Variants in PIK3R1 observed in about 807,000 individuals in gnomAD.
The protein encoded by PIK3R1 is phosphatidylinositol 3-kinase regulatory subunit alpha.
Under a neutral mutation model 98.0 loss-of-function variants are expected in PIK3R1, and 29 were observed. The observed-to-expected ratio is 0.30, with a 90% CI of 0.22 to 0.40. The LOEUF (loss-of-function observed/expected upper bound fraction) is 0.40, where lower values mean the gene tolerates loss of function less well. PIK3R1 is among the 10% of genes least tolerant of loss of function. The pLI is 1.00. For synonymous variants in PIK3R1, 282 were observed against 311.8 expected, an observed-to-expected ratio of 0.90 and a Z score of 1.01; for missense variants, 596 against 872.7, an observed-to-expected ratio of 0.68 and a Z score of 3.99.
intron 10 of PIK3R1, 37 bp from the exon 11 acceptor site, chr5:68,293,672 A>T (rs2112261488): frequency 1.5e-6 from 2 of 1,328,574 alleles, no homozygotes; most frequent in Non-Finnish European, 2.1e-6. Flanking sequence ...TATTTGATTA[A>T]ATACCTTATC....
chr5:68,225,399 A>T (rs1485777497), intron 1 of PIK3R1, among the ~76,000 whole-genome samples: 1 of 152,174 alleles, frequency 6.6e-6, no homozygotes, highest in Non-Finnish European at 1.5e-5. Context: ...AGGGGTGCCC[A>T]GAATCACCGT....
Position 68,295,685 on chromosome 5 carries a change from T to G in PIK3R1, c.1814+197T>G, listed in dbSNP as rs549613399. 1.3e-5 allele frequency: 8 copies of G among 596,630 alleles called. No individual in the cohort carries two copies. In the East Asian group the frequency reaches 2.2e-4, roughly 17 times the overall value. 37.0% of individuals were successfully genotyped at this position (596,630 alleles called of 1,614,324 possible). Reference sequence around the variant, plus strand: ...AGCTAAGGAGGACTAGGATTTATTTTTACTCATAATGCTGTGAAACAACTC... The same window carrying G: ...AGCTAAGGAGGACTAGGATTTATTTGTACTCATAATGCTGTGAAACAACTC... On this transcript the variant is annotated intron_variant, in intron 14 of 15. Transcript: ENST00000521381.
chr5:68,228,886 G>C (rs1363954620), intron 2 of PIK3R1, among the ~76,000 whole-genome samples: 1 of 152,088 alleles, frequency 6.6e-6, no homozygotes, highest in Admixed American at 6.5e-5. Flanking sequence ...TTTCCTTATA[G>C]GAAAAGTCAT....
intron 7 of PIK3R1, among the ~76,000 whole-genome samples, chr5:68,282,132 C>G (rs1197875457): frequency 6.6e-6 from 1 of 152,070 alleles, no homozygotes; most frequent in African/African-American, 2.4e-5. Context: ...TCACAGCAAG[C>G]AGAATGTTTT....
intron 2 of PIK3R1, among the ~76,000 whole-genome samples, chr5:68,270,553 G>T (rs1256389716): frequency 1.3e-5 from 2 of 152,074 alleles, no homozygotes; most frequent in African/African-American, 2.4e-5. Flanking sequence ...AAATGCCTGT[G>T]TAATTTATGA....
intron 2 of PIK3R1, among the ~76,000 whole-genome samples, chr5:68,248,591 T>C (rs1322282860): frequency 6.6e-6 from 1 of 152,224 alleles, no homozygotes; most frequent in African/African-American, 2.4e-5. Flanking sequence ...TGTTCATATT[T>C]GGAATTCTAA....
chr5:68,285,937 T>C (rs1221409386), intron 7 of PIK3R1, among the ~76,000 whole-genome samples: 1 of 152,212 alleles, frequency 6.6e-6, no homozygotes, highest in Non-Finnish European at 1.5e-5. Context: ...ATTTTACCCT[T>C]AGATGAAGAT....
chr5:68,290,146 A>G (rs1747308705), intron 7 of PIK3R1, among the ~76,000 whole-genome samples: 1 of 152,194 alleles, frequency 6.6e-6, no homozygotes, highest in South Asian at 2.1e-4. Flanking sequence ...ACAGTGTTTG[A>G]ATTCTGGGTT....
At chr5:68,262,625 G>T (rs1409957381) in intron 2 of PIK3R1, among the ~76,000 whole-genome samples, 1 of 137,190 alleles carries the variant, frequency 7.3e-6, no homozygotes, top group South Asian at 2.2e-4. Flanking sequence ...ACATGTAGAT[G>T]CATGTATACA....
intron 1 of PIK3R1, among the ~76,000 whole-genome samples, chr5:68,222,573 C>A (rs1027000760): frequency 6.6e-6 from 1 of 152,182 alleles, no homozygotes; most frequent in African/African-American, 2.4e-5. Flanking sequence ...TTATGGACTT[C>A]TTTCGCAGGG....
At chr5:68,290,208 C>G (rs918019780) in intron 7 of PIK3R1, among the ~76,000 whole-genome samples, 2 of 152,196 alleles carry the variant, frequency 1.3e-5, no homozygotes, top group African/African-American at 4.8e-5. Flanking sequence ...TACTGCTTCT[C>G]TTATACATGA....
At position 68,293,420 on chromosome 5, in the gene PIK3R1, T is replaced by G; in HGVS notation, c.1236T>G (p.Ser412=). The G allele has an allele frequency of 1.2e-6, 2 of 1,613,642 alleles. No individual in the cohort carries two copies. Among genetic ancestry groups the G allele is most frequent in the Non-Finnish European group, 1.7e-6 (2 of 1,179,622 alleles). The change falls in exon 10 of 16, where the codon TCT becomes TCG. Residue 412 remains serine (S), a synonymous_variant. Coordinates refer to ENST00000521381, the MANE Select transcript of PIK3R1 (RefSeq NM_181523.3). ...TAATAAACCACTACCGGAATGAATC[T>G]CTAGCTCAGTATAATCCCAAATTGG... ...VELINHYRNE[S]LAQYNPKLDV... is the part of the protein sequence containing the mutation.
At position 68,298,793 on chromosome 5, in the gene PIK3R1, GTTGTT is replaced by G. The variant is rs1747871745; in HGVS notation, c.*1195_*1199del. 1 of 229,122 alleles carries G rather than the reference GTTGTT, an allele frequency of 4.4e-6. No homozygotes were observed. 14.2% of individuals were successfully genotyped at this position (229,122 alleles called of 1,614,324 possible). A position where few individuals can be genotyped will look rare whatever the true frequency, so the allele number is the denominator to read the frequency against. ...ACAAAGTATTGCTGAGTCCAACAAT[GTTGTT>G]TTAAGACTCTTAAAATACGGTACCT... is the stretch of plus-strand genomic sequence containing the variant. On this transcript the variant is annotated 3_prime_UTR_variant, in exon 16 of 16. Coordinates refer to ENST00000521381, the MANE Select transcript of PIK3R1 (RefSeq NM_181523.3).
intron 7 of PIK3R1, among the ~76,000 whole-genome samples, chr5:68,286,574 C>T (rs1580252091): frequency 2.0e-5 from 3 of 152,124 alleles, no homozygotes; most frequent in African/African-American, 4.8e-5. Context: ...TAAAATTCAA[C>T]GGGAAAAAGA....
chr5:68,295,215 G>C lies in PIK3R1; in HGVS notation c.1636G>C (p.Glu546Gln), dbSNP rs1747641985. The C allele has an allele frequency of 3.1e-6, 5 of 1,613,986 alleles. No homozygotes were observed. Among genetic ancestry groups the C allele is most frequent in the Non-Finnish European group, 4.2e-6 (5 of 1,179,872 alleles). Residue 546 changes from glutamate (E) to glutamine (Q), a missense_variant, in exon 13 of 16, where the codon GAA becomes CAA. This residue lies in a region of PIK3R1 where 207 missense variants were observed against 361.4 expected (regional missense o/e 0.57). Coordinates refer to ENST00000521381, the MANE Select transcript of PIK3R1 (RefSeq NM_181523.3). ...AATTATTGACAGTAGAAGAAGATTG[G>C]AAGAAGACTTGAAGAAGCAGGCAGC... is the stretch of plus-strand genomic sequence containing the variant. Reference protein sequence around the residue: ...SEIIDSRRRLEEDLKKQAAEY... With the variant: ...SEIIDSRRRLQEDLKKQAAEY...
chr5:68,238,308 T>G (rs1744741131), intron 2 of PIK3R1, among the ~76,000 whole-genome samples: 1 of 152,230 alleles, frequency 6.6e-6, no homozygotes, highest in Non-Finnish European at 1.5e-5. Context: ...GGTCTTTCCT[T>G]GTTTAGTGAT....
intron 2 of PIK3R1, among the ~76,000 whole-genome samples, chr5:68,267,573 T>C (rs899406793): frequency 4.6e-5 from 7 of 152,208 alleles, no homozygotes; most frequent in Admixed American, 2.6e-4. Context: ...AATGTAGTTA[T>C]GGCTGAAGAT....
At chr5:68,267,054 TC>T (rs1746149183) in intron 2 of PIK3R1, among the ~76,000 whole-genome samples, 1 of 152,136 alleles carries the variant, frequency 6.6e-6, no homozygotes, top group Admixed American at 6.5e-5. Context: ...GCTTCAAAAA[TC>T]CTGTGGACTC....
At chr5:68,267,334 C>T (rs938229722) in intron 2 of PIK3R1, among the ~76,000 whole-genome samples, 10 of 152,156 alleles carry the variant, frequency 6.6e-5, no homozygotes, top group Admixed American at 5.9e-4. Flanking sequence ...AAGATCTTTG[C>T]CTGCTGTTTG....
Sources: gnomAD v4.1 joint callset for allele counts (sites outside exome capture counted in the v4.1 genomes callset) on GRCh38, gnomAD v4.1.1 for gene constraint, gnomAD v4.1.1 regional missense constraint, MANE v1.5 for transcripts, NCBI Gene and HGNC (gene_info 2026-07-23, HGNC 2026-07-21) for gene names.